GAD2: variants seen among roughly 807,000 people sequenced by gnomAD.
GAD2 encodes the protein 65 kDa glutamic acid decarboxylase.
A neutral mutation model predicts 80.1 loss-of-function variants in GAD2; 22 were observed. The observed-to-expected ratio is 0.27, with a 90% CI of 0.20 to 0.39. The LOEUF (loss-of-function observed/expected upper bound fraction) is 0.39. GAD2 is among the 10% of genes least tolerant of loss of function. The pLI, the probability that GAD2 is intolerant of heterozygous loss-of-function variation, is 1.00. For synonymous variants in GAD2, 274 were observed against 256.9 expected (o/e 1.07, Z -0.64); for missense variants, 624 against 738.4 (o/e 0.85, Z 1.80).
chr10:26,279,981 CTT>C (rs1845253653), intron 11 of GAD2, among the ~76,000 whole-genome samples: 1 of 152,244 alleles, frequency 6.6e-6, no homozygotes, highest in African/African-American at 2.4e-5. Context: ...TGAGCCCTCT[CTT>C]TGAGCTCCAG....
rs1834325827 is a variant in GAD2, at chr10:26,301,119, T to G, written c.*158T>G. ...TTAAACAAAAAAGACATTGCTCCTT[T>G]TAAAAGTCCTTTCTTAAGTTTAGAA... is the stretch of plus-strand genomic sequence containing the variant. On this transcript the variant is annotated 3_prime_UTR_variant, in exon 16 of 16. Coordinates refer to ENST00000376261, the MANE Select transcript of GAD2 (RefSeq NM_001134366.2). The G allele has an allele frequency of 3.2e-6, 2 of 621,878 alleles. No individual in the cohort carries two copies. Among genetic ancestry groups the G allele is most frequent in the South Asian group, 4.3e-5 (2 of 46,746 alleles). The allele number at this position is 621,878 out of a possible 1,614,324, so 38.5% of individuals were successfully genotyped here. A position where few individuals can be genotyped will look rare whatever the true frequency, so the allele number is the denominator to read the frequency against.
At chr10:26,240,913 GC>G (rs769488809) in intron 7 of GAD2, among the ~76,000 whole-genome samples, 5 of 151,962 alleles carry the variant, frequency 3.3e-5, no homozygotes, top group African/African-American at 1.2e-4. Context: ...ATGGTGGCAG[GC>G]GCCTCTAGTC....
chr10:26,286,546 G>C, intron 13 of GAD2, 52 bp downstream of exon 13: 1 of 1,514,308 alleles, frequency 6.6e-7, no homozygotes, highest in Middle Eastern at 1.7e-4. Flanking sequence ...ACCTTTATCT[G>C]GTGACCCCAT....
At chr10:26,266,673 C>G (rs377431181) in intron 8 of GAD2, among the ~76,000 whole-genome samples, 5 of 152,334 alleles carry the variant, frequency 3.3e-5, no homozygotes, top group East Asian at 1.9e-4. Flanking sequence ...ACTTGGAGTT[C>G]ATGGTTTGAC....
chr10:26,217,018 G>A lies in GAD2; in HGVS notation c.76+133G>A. The A allele has an allele frequency of 2.7e-6, 2 of 734,834 alleles. No individual in the cohort carries two copies. Among genetic ancestry groups the A allele is most frequent in the Non-Finnish European group, 2.2e-6 (1 of 445,122 alleles). 45.5% of individuals were successfully genotyped at this position (734,834 alleles called of 1,614,324 possible). On this transcript the variant is annotated intron_variant, in intron 1 of 15. Transcript: ENST00000376261. The surrounding 1 kb of genome is among the most constrained non-coding windows in gnomAD (Gnocchi z 4.9). ...CTTCGGGCGCTTCTCCCTGCTTTTG[G>A]GCTAAGTCCTTGACGGCCCAAGAGC...
intron 7 of GAD2, among the ~76,000 whole-genome samples, chr10:26,234,338 CAA>C (rs35871778): frequency 0.024 from 3,086 of 126,280 alleles, 93 homozygotes; most frequent in African/African-American, 0.079. Flanking sequence ...AAAAAAAAGA[CAA>C]AAAAAAAAAA....
At position 26,249,251 on chromosome 10, in the gene GAD2, G is replaced by A. The variant is rs143021416; in HGVS notation, c.920+3251G>A. Reference sequence around the variant, plus strand: ...TAGTTTTTGTATTTTTAGTAGAGACGGGGTTTCATCATATTGGTCAGGCTG... The same window carrying A: ...TAGTTTTTGTATTTTTAGTAGAGACAGGGTTTCATCATATTGGTCAGGCTG... On this transcript the variant is annotated intron_variant, in intron 8 of 15. Coordinates refer to ENST00000376261, the MANE Select transcript of GAD2 (RefSeq NM_001134366.2). Among the ~76,000 whole-genome samples, 364 of 152,120 alleles carry A rather than the reference G, an allele frequency of 2.4e-3. 3 individuals are homozygous for A. The highest frequency in any genetic ancestry group is 8.3e-3 in the African/African-American group (346 of 41,500).
intron 8 of GAD2, among the ~76,000 whole-genome samples, chr10:26,256,640 A>G (rs1269841387): frequency 6.6e-6 from 1 of 152,170 alleles, no homozygotes; most frequent in Non-Finnish European, 1.5e-5. Flanking sequence ...GTGTTTTCCC[A>G]TGATTAGATT....
intron 7 of GAD2, among the ~76,000 whole-genome samples, chr10:26,242,978 A>G (rs1844761637): frequency 6.6e-6 from 1 of 151,552 alleles, no homozygotes; most frequent in Admixed American, 6.6e-5. Flanking sequence ...GCTGTAAGAG[A>G]CTTAGCTTGC....
intron 15 of GAD2, among the ~76,000 whole-genome samples, chr10:26,293,893 A>G (rs1564673515): frequency 1.3e-5 from 2 of 152,210 alleles, no homozygotes; most frequent in Admixed American, 1.3e-4. Context: ...CATCTTGCTG[A>G]TGGAGAAACT....
intron 11 of GAD2, among the ~76,000 whole-genome samples, chr10:26,276,362 GTATTTTTATTTATTTT>G (rs1417670331): frequency 6.6e-6 from 1 of 151,806 alleles, no homozygotes; most frequent in Non-Finnish European, 1.5e-5. Flanking sequence ...TCTGTGCATT[GTATTTTTATTTATTTT>G]TATTTTTATT....
intron 10 of GAD2, among the ~76,000 whole-genome samples, chr10:26,271,980 G>A (rs1379980107): frequency 5.9e-5 from 9 of 152,210 alleles, no homozygotes; most frequent in African/African-American, 1.7e-4. Flanking sequence ...GGCTGCTCTC[G>A]AACTCCTGAC....
chr10:26,220,609 T>A (rs1398079093), intron 4 of GAD2, among the ~76,000 whole-genome samples: 1 of 152,210 alleles, frequency 6.6e-6, no homozygotes, highest in Non-Finnish European at 1.5e-5. Flanking sequence ...AAAATTTTCC[T>A]ACCCCTCCTC....
chr10:26,257,934 G>C (rs1243680845), intron 8 of GAD2, among the ~76,000 whole-genome samples: 1 of 152,216 alleles, frequency 6.6e-6, no homozygotes, highest in African/African-American at 2.4e-5. Context: ...AGACTTCACA[G>C]AGACACCGAA....
chr10:26,242,195 C>T (rs1190550274), intron 7 of GAD2, among the ~76,000 whole-genome samples: 2 of 152,124 alleles, frequency 1.3e-5, no homozygotes, highest in Admixed American at 6.5e-5. Context: ...ACCGTGTTAG[C>T]CAGGATGGTC....
chr10:26,229,187 C>T (rs1464622973), intron 6 of GAD2, among the ~76,000 whole-genome samples: 2 of 142,256 alleles, frequency 1.4e-5, no homozygotes, highest in Non-Finnish European at 3.0e-5. Flanking sequence ...GAGTGAGACC[C>T]TGTCTCAAGA....
chr10:26,238,796 CG>C (rs1262633497), intron 7 of GAD2, among the ~76,000 whole-genome samples: 1 of 152,198 alleles, frequency 6.6e-6, no homozygotes, highest in Non-Finnish European at 1.5e-5. Context: ...AATGTTCTTT[CG>C]GGCCAGCTGG....
chr10:26,225,435 C>A (rs1306708746), intron 6 of GAD2, among the ~76,000 whole-genome samples: 1 of 152,024 alleles, frequency 6.6e-6, no homozygotes, highest in Non-Finnish European at 1.5e-5. Flanking sequence ...AGTCACTGAC[C>A]CATGGAAAAG....
intron 7 of GAD2, among the ~76,000 whole-genome samples, chr10:26,243,044 C>T (rs995691281): frequency 1.8e-4 from 27 of 146,082 alleles, no homozygotes; most frequent in Admixed American, 1.6e-3. Context: ...CACAAAAAAC[C>T]CCCCCCCTTT....
Sources: gnomAD v4.1 joint callset for allele counts (sites outside exome capture counted in the v4.1 genomes callset) on GRCh38, gnomAD v4.1.1 for gene constraint, Gnocchi (gnomAD v3.1) non-coding constraint, MANE v1.5 for transcripts, NCBI Gene and HGNC (gene_info 2026-07-23, HGNC 2026-07-21) for gene names.